The following DZIP1L variants were observed in gnomAD, a reference collection of about 807,000 sequenced individuals.
The protein encoded by DZIP1L is DAZ interacting zinc finger protein 1 like, also known as cilium assembly protein DZIP1L.
A neutral mutation model predicts 88.7 loss-of-function variants in DZIP1L; 90 were observed. The ratio of observed to expected loss-of-function variants is 1.02; its 90% CI spans 0.86 to 1.21. The LOEUF is 1.21. DZIP1L is among the 50% of genes most tolerant of loss of function. DZIP1L has a pLI of 0.00. For synonymous variants in DZIP1L, 363 were observed against 372.1 expected (o/e 0.98, Z 0.28); for missense variants, 932 against 955.8 (o/e 0.98, Z 0.33).
At chr3:138,082,863 C>T (rs1943728891) in intron 8 of DZIP1L, among the ~76,000 whole-genome samples, 1 of 152,208 alleles carries the variant, frequency 6.6e-6, no homozygotes, top group African/African-American at 2.4e-5. Context: ...TTTTCATCAA[C>T]TTCTTCTGCC....
chr3:138,083,981 G>T, intron 8 of DZIP1L, 132 bp downstream of exon 8: 1 of 1,302,574 alleles, frequency 7.7e-7, no homozygotes, highest in Non-Finnish European at 1.0e-6. Context: ...TCATGCCAGA[G>T]GACTCTTCTC....
chr3:138,075,168 G>C (rs1382589779), intron 11 of DZIP1L, among the ~76,000 whole-genome samples: 2 of 152,108 alleles, frequency 1.3e-5, no homozygotes, highest in Non-Finnish European at 2.9e-5. Flanking sequence ...ATTGCTACTA[G>C]ACCGAAGAAA....
chr3:138,099,671 G>A (rs1180233894), intron 2 of DZIP1L, among the ~76,000 whole-genome samples: 1 of 152,086 alleles, frequency 6.6e-6, no homozygotes, highest in Non-Finnish European at 1.5e-5. Flanking sequence ...CCTCCCTTGG[G>A]GGTGAGGGAG....
In DZIP1L at chr3:138,086,684, AG is replaced by A. The variant is rs1943956447; in HGVS notation, c.1062+276del. Among the ~76,000 whole-genome samples, 4 of 152,318 alleles carry A rather than the reference AG, an allele frequency of 2.6e-5. 1 individual carries two copies. In the South Asian group the frequency reaches 8.3e-4, roughly 32 times the overall value. The stretch of plus-strand genomic sequence containing the variant: ...GAACAACCCTCCCTGGAGGGCCTAA[AG>A]GGGTCACTGCAAAGAAGACCACAGA... On this transcript the variant is annotated intron_variant, in intron 7 of 15. Coordinates refer to ENST00000327532, the MANE Select transcript of DZIP1L (RefSeq NM_173543.3).
rs770414266 is a variant in DZIP1L, at chr3:138,092,430, A to T, written c.823T>A (p.Trp275Arg). Residue 275 changes from tryptophan (W) to arginine (R), a missense_variant, in exon 5 of 16, where the codon TGG becomes AGG. Physicochemically the swap from Trp to Arg is moderately radical, Grantham distance 101. Coordinates refer to ENST00000327532, the MANE Select transcript of DZIP1L (RefSeq NM_173543.3). ...TTGGCGACATTTTTAAATTCATCCC[A>T]AAATAATTTTTTTAGTTTATCTATT... ...GEIDKLKKLF[W>R]DEFKNVAKQN... 2 of 1,606,026 alleles carry T rather than the reference A, an allele frequency of 1.2e-6. No individual in the cohort carries two copies. The highest frequency in any genetic ancestry group is 1.1e-5 in the South Asian group (1 of 88,494).
At chr3:138,067,100 G>A (rs528468717) in intron 14 of DZIP1L, among the ~76,000 whole-genome samples, 2 of 152,132 alleles carry the variant, frequency 1.3e-5, no homozygotes, top group South Asian at 2.1e-4. Context: ...CCTCAAGTGC[G>A]GGTTGTTCCT....
rs771805985 is a variant in DZIP1L, at chr3:138,064,624, C to T, written c.2142+4G>A. 8.7e-6 allele frequency: 14 copies of T among 1,614,178 alleles called. No homozygotes were observed. The South Asian group carries it at 1.3e-4, about 15-fold the overall frequency. ...GAGTAAACTCTAAGCATCCTACATC[C>T]TACCTGAGGCTTCCTTCCTGGTGTG... On this transcript the variant is annotated splice_donor_region_variant and intron_variant, in intron 15 of 15. Coordinates refer to ENST00000327532, the MANE Select transcript of DZIP1L (RefSeq NM_173543.3).
At chr3:138,113,940 T>C (rs1309786186) in intron 1 of DZIP1L, among the ~76,000 whole-genome samples, 2 of 152,252 alleles carry the variant, frequency 1.3e-5, no homozygotes, top group Non-Finnish European at 2.9e-5. Flanking sequence ...GGTAGGTATT[T>C]GACTGATGTC....
intron 5 of DZIP1L, chr3:138,088,782 A>T: frequency 6.5e-6 from 7 of 1,080,740 alleles, no homozygotes; most frequent in Non-Finnish European, 7.9e-6. Context: ...GCTATACTCA[A>T]AATCCCGAGC....
At chr3:138,080,764 G>A (rs1943610850) in intron 9 of DZIP1L, 144 bp from the exon 10 acceptor site, 1 of 704,846 alleles carries the variant, frequency 1.4e-6, no homozygotes. Context: ...AGGCAGGACA[G>A]AGCAGACACT....
Position 138,068,034 on chromosome 3 carries a change from T to A in DZIP1L, c.1832+117A>T, listed in dbSNP as rs959832070. Reference sequence around the variant, plus strand: ...GGACCCCACCTGAGGCACCTTCTATTCACATGTGTCTGCCCCCCTCCTATC... The same window carrying A: ...GGACCCCACCTGAGGCACCTTCTATACACATGTGTCTGCCCCCCTCCTATC... On this transcript the variant is annotated intron_variant, in intron 13 of 15. Transcript: ENST00000327532. 4 of 945,354 alleles carry A rather than the reference T, an allele frequency of 4.2e-6. No individual in the cohort carries two copies. The Admixed American group carries it at 1.2e-4, about 28-fold the overall frequency. The allele number at this position is 945,354 out of a possible 1,614,324, so 58.6% of individuals were successfully genotyped here.
Position 138,086,975 on chromosome 3 carries a change from C to T in DZIP1L, c.1048G>A (p.Ala350Thr), listed in dbSNP as rs1262926010. 2 of 1,613,966 alleles carry T rather than the reference C, an allele frequency of 1.2e-6. No homozygotes were observed. The highest frequency in any genetic ancestry group is 1.7e-5 in the Admixed American group (1 of 59,992). ...ACAAAAGCTACCTCTTTCTTCTCAG[C>T]CATGTGCTCTTCATGCAGTTCCTTC... ...KVKELHEEHMAEKKELQEENQ... is the reference protein window; with the variant it reads ...KVKELHEEHMTEKKELQEENQ... The change falls in exon 7 of 16, where the codon GCT becomes ACT. Residue 350 changes from alanine to threonine, a missense_variant. By Grantham distance (58) the Ala-to-Thr change is moderately conservative (BLOSUM62 0). Coordinates refer to ENST00000327532, the MANE Select transcript of DZIP1L (RefSeq NM_173543.3).
intron 1 of DZIP1L, among the ~76,000 whole-genome samples, chr3:138,113,025 A>C (rs1213165251): frequency 6.6e-6 from 1 of 152,262 alleles, no homozygotes; most frequent in African/African-American, 2.4e-5. Flanking sequence ...ATATATTGAC[A>C]GGGTTTTGGG....
intron 4 of DZIP1L, among the ~76,000 whole-genome samples, chr3:138,093,531 G>A (rs780865707): frequency 6.6e-6 from 1 of 152,196 alleles, no homozygotes; most frequent in Non-Finnish European, 1.5e-5. Flanking sequence ...TGTGAAGCCA[G>A]GCTATAAAAG....
In DZIP1L at chr3:138,063,483, G is replaced by A. The variant is rs544489063; in HGVS notation, c.2143-506C>T. 6.6e-6 allele frequency among the ~76,000 whole-genome samples: 1 copy of A among 152,322 alleles called. No individual in the cohort carries two copies. The highest frequency in any genetic ancestry group is 1.9e-4 in the East Asian group (1 of 5,174). On this transcript the variant is annotated intron_variant, in intron 15 of 15. Transcript: ENST00000327532. This position sits in a 1 kb window ranked among gnomAD's most constrained non-coding sequence, Gnocchi z 4.1. The stretch of plus-strand genomic sequence containing the variant: ...CCTTCAGCCTGGAAGGGTCTGCACT[G>A]CAGCCAGCAGGACAGCTCAGAGTCA...
intron 4 of DZIP1L, among the ~76,000 whole-genome samples, chr3:138,093,749 A>C (rs535980165): frequency 7.0e-4 from 107 of 152,292 alleles, no homozygotes; most frequent in Non-Finnish European, 5.6e-4. Context: ...TTAGCTTTCA[A>C]CTGTTCTTCT....
chr3:138,089,754 TTAA>T (rs1944117283), intron 5 of DZIP1L, among the ~76,000 whole-genome samples: 1 of 152,092 alleles, frequency 6.6e-6, no homozygotes, highest in African/African-American at 2.4e-5. Context: ...TTCCTATACT[TTAA>T]TAAAAGTAAA....
At chr3:138,080,159 C>G (rs1440003990) in intron 10 of DZIP1L, among the ~76,000 whole-genome samples, 1 of 152,168 alleles carries the variant, frequency 6.6e-6, no homozygotes, top group Admixed American at 6.5e-5. Context: ...CTATCTGCAG[C>G]ACACTCACAA....
intron 1 of DZIP1L, among the ~76,000 whole-genome samples, chr3:138,109,891 T>C (rs1337040351): frequency 6.6e-6 from 1 of 152,090 alleles, no homozygotes; most frequent in East Asian, 1.9e-4. Flanking sequence ...TTCTCACTCA[T>C]AAGTGGGAGT....
Sources: allele counts gnomAD v4.1 joint callset (sites outside exome capture counted in the v4.1 genomes callset), GRCh38; gene constraint gnomAD v4.1.1; non-coding constraint Gnocchi (gnomAD v3.1); transcripts MANE v1.5; gene names NCBI Gene and HGNC (gene_info 2026-07-23, HGNC 2026-07-21).